The following DECR1 variants were observed in gnomAD, a reference collection of about 807,000 sequenced individuals.
DECR1 encodes the protein 2,4-dienoyl-CoA reductase 1.
DECR1 carries 44 observed loss-of-function variants against 38.8 expected under a neutral mutation model. The observed-to-expected ratio is 1.13, with a 90% CI of 0.89 to 1.46. DECR1 has a LOEUF of 1.46. DECR1 is among the 40% of genes most tolerant of loss of function. The probability of loss-of-function intolerance (pLI) is 0.00; values close to 1 mark genes in which losing one functional copy is unlikely to be tolerated. For missense variants in DECR1, 428 were observed against 405.5 expected, an observed-to-expected ratio of 1.06 and a Z score of -0.48; for synonymous variants, 148 against 135.2, an observed-to-expected ratio of 1.09 and a Z score of -0.66.
At position 90,047,036 on chromosome 8, in the gene DECR1, TAAA is replaced by T. The variant is rs1225053403; in HGVS notation, c.885+2042_885+2044del. On this transcript the variant is annotated intron_variant, in intron 8 of 9. Coordinates refer to ENST00000220764, the MANE Select transcript of DECR1 (RefSeq NM_001359.2). ...TTACAAGAACTCCTGAAGGAAGCAC[TAAA>T]CATGGAAAGGAACAACCGGTACCAG... Among the ~76,000 whole-genome samples, 10 of 152,172 alleles carry T rather than the reference TAAA, an allele frequency of 6.6e-5. 1 individual carries two copies. In the South Asian group the frequency reaches 2.1e-3, roughly 32 times the overall value.
Position 90,001,570 on chromosome 8 carries a change from G to T in DECR1, c.69+9G>T. 1.2e-6 allele frequency: 2 copies of T among 1,609,260 alleles called. No homozygotes were observed. On this transcript the variant is annotated intron_variant, in intron 1 of 9. Coordinates refer to ENST00000220764, the MANE Select transcript of DECR1 (RefSeq NM_001359.2). ...GCCTCGCTCCTCGGAGGGTAAGGCG[G>T]CCGGGGGCGCGGGGAGCGAGGACAG...
chr8:90,042,883 G>C (rs1813798457), intron 7 of DECR1, 83 bp downstream of exon 7: 2 of 1,210,266 alleles, frequency 1.7e-6, no homozygotes, highest in African/African-American at 1.5e-5. Context: ...GTTGTGTAAA[G>C]GACTTTCCAG....
intron 4 of DECR1, 79 bp downstream of exon 4, chr8:90,019,251 A>G: frequency 1.7e-6 from 2 of 1,204,364 alleles, no homozygotes; most frequent in South Asian, 1.3e-5. Flanking sequence ...AAGGAAATAA[A>G]ATATTGATAC....
chr8:90,025,635 G>C (rs1187591529), intron 5 of DECR1, among the ~76,000 whole-genome samples: 1 of 152,154 alleles, frequency 6.6e-6, no homozygotes, highest in African/African-American at 2.4e-5. Context: ...AGATGATGGG[G>C]TTTTCTAAAT....
At chr8:90,016,810 A>T (rs760516040) in intron 1 of DECR1, 1 of 316,096 alleles carries the variant, frequency 3.2e-6, no homozygotes, top group Non-Finnish European at 6.0e-6. Flanking sequence ...AATCCTCACA[A>T]TGCCATATGA....
intron 5 of DECR1, among the ~76,000 whole-genome samples, chr8:90,033,529 CT>C (rs1291586607): frequency 5.3e-5 from 8 of 152,140 alleles, no homozygotes; most frequent in African/African-American, 1.9e-4. Flanking sequence ...GAATTCTTTA[CT>C]TTGCACTTTA....
intron 1 of DECR1, chr8:90,003,121 T>G (rs1812657543): frequency 6.6e-6 from 1 of 152,206 alleles, no homozygotes; most frequent in African/African-American, 2.4e-5. Flanking sequence ...CCTGTTAGTG[T>G]GGTTTGTCCC....
intron 1 of DECR1, among the ~76,000 whole-genome samples, chr8:90,012,261 T>A (rs1390241642): frequency 6.6e-6 from 1 of 151,924 alleles, no homozygotes; most frequent in Non-Finnish European, 1.5e-5. Context: ...CAAGAAATTC[T>A]CCTGCCTCAG....
intron 5 of DECR1, among the ~76,000 whole-genome samples, chr8:90,030,727 A>G (rs908545981): frequency 1.3e-5 from 2 of 152,224 alleles, no homozygotes; most frequent in African/African-American, 2.4e-5. Context: ...TGCTTAGAGT[A>G]TATAAGAACC....
chr8:90,025,583 CTT>C (rs932526156), intron 5 of DECR1, among the ~76,000 whole-genome samples: 41 of 152,256 alleles, frequency 2.7e-4, no homozygotes, highest in African/African-American at 9.9e-4. Flanking sequence ...TATCCTGAGA[CTT>C]TGCTGAATTT....
intron 5 of DECR1, among the ~76,000 whole-genome samples, chr8:90,034,746 C>G (rs933881117): frequency 2.6e-5 from 4 of 152,200 alleles, no homozygotes; most frequent in African/African-American, 9.7e-5. Context: ...GCCACTGTGC[C>G]TGGCCTTATT....
At chr8:90,015,629 C>T (rs779176221) in intron 1 of DECR1, 4 of 456,598 alleles carry the variant, frequency 8.8e-6, no homozygotes, top group Non-Finnish European at 1.8e-5. Flanking sequence ...CAACTGATGA[C>T]AGCCTATTTA....
In DECR1 at chr8:90,036,856, C is replaced by G; in HGVS notation, c.581C>G (p.Ser194Cys). ...AAAATTTCAGGAGCAGCATTTCTTTCTATTACTACTATCTATGCTGAGACT... is the reference window on the plus strand; with the variant it reads ...AAAATTTCAGGAGCAGCATTTCTTTGTATTACTACTATCTATGCTGAGACT... Reference protein sequence around the residue: ...IKAQKGAAFLSITTIYAETGS... With the variant: ...IKAQKGAAFLCITTIYAETGS... The change falls in exon 6 of 10, where the codon TCT becomes TGT. Residue 194 changes from serine to cysteine, a missense_variant. By Grantham distance (112) the Ser-to-Cys change is moderately radical. Transcript: ENST00000220764. 6.2e-7 allele frequency: 1 copy of G among 1,612,104 alleles called. No individual in the cohort carries two copies. Among genetic ancestry groups the G allele is most frequent in the Non-Finnish European group, 8.5e-7 (1 of 1,178,832 alleles).
At chr8:90,051,561 G>C in intron 8 of DECR1, 116 bp from the exon 9 acceptor site, 1 of 718,802 alleles carries the variant, frequency 1.4e-6, no homozygotes, top group Non-Finnish European at 2.3e-6. Context: ...TAAAATTTGG[G>C]CTTGATTTAA....
chr8:90,052,145 A>G lies in DECR1; in HGVS notation c.*248A>G. The G allele has an allele frequency of 6.8e-6, 3 of 439,522 alleles. No individual in the cohort carries two copies. The highest frequency in any genetic ancestry group is 3.3e-5 in the South Asian group (1 of 30,106). The allele number at this position is 439,522 out of a possible 1,614,324, so 27.2% of individuals were successfully genotyped here. ...AGTAGGTAAAGGCTCCTCTTTACCT[A>G]TTGATAGAGGTAAAAAGTACTTAGA... is the stretch of plus-strand genomic sequence containing the variant. On this transcript the variant is annotated 3_prime_UTR_variant, in exon 10 of 10. Coordinates refer to ENST00000220764, the MANE Select transcript of DECR1 (RefSeq NM_001359.2).
chr8:90,048,395 A>T (rs1411194449), intron 8 of DECR1, among the ~76,000 whole-genome samples: 1 of 152,224 alleles, frequency 6.6e-6, no homozygotes, highest in Non-Finnish European at 1.5e-5. Context: ...CCATCAGAGA[A>T]TACTATAAAC....
At chr8:90,005,214 T>G in intron 1 of DECR1, 1 of 406,738 alleles carries the variant, frequency 2.5e-6, no homozygotes, top group South Asian at 1.8e-5. Context: ...GGAGACGAGA[T>G]CAGTCAGGTT....
chr8:90,041,453 T>G (rs1276279382), intron 6 of DECR1, among the ~76,000 whole-genome samples: 2 of 152,222 alleles, frequency 1.3e-5, no homozygotes, highest in Non-Finnish European at 2.9e-5. Flanking sequence ...GATGATAGTT[T>G]CTTTTGCTGT....
At chr8:90,048,988 T>C (rs555793168) in intron 8 of DECR1, among the ~76,000 whole-genome samples, 29 of 152,294 alleles carry the variant, frequency 1.9e-4, no homozygotes, top group African/African-American at 6.3e-4. Context: ...AAAATTCAAC[T>C]GCCCTTCATG....
Sources: gnomAD v4.1 joint callset for allele counts (sites outside exome capture counted in the v4.1 genomes callset) on GRCh38, gnomAD v4.1.1 for gene constraint, MANE v1.5 for transcripts, NCBI Gene and HGNC (gene_info 2026-07-23, HGNC 2026-07-21) for gene names.